Variants in IPO7 observed in about 807,000 individuals in gnomAD.
The protein encoded by IPO7 is importin 7.
A neutral mutation model predicts 136.4 loss-of-function variants in IPO7; 13 were observed. The observed-to-expected ratio is 0.10, with a 90% CI of 0.06 to 0.15. The LOEUF is 0.15. IPO7 is among the 10% of genes least tolerant of loss of function. IPO7 has a pLI of 1.00. For synonymous variants in IPO7, 403 were observed against 404.4 expected (o/e 1.00, Z 0.04); for missense variants, 857 against 1,240.6 (o/e 0.69, Z 4.65).
intron 12 of IPO7, 39 bp downstream of exon 12, chr11:9,425,301 G>A: frequency 2.5e-6 from 3 of 1,196,670 alleles, no homozygotes; most frequent in Non-Finnish European, 2.5e-6. Flanking sequence ...GACTATGCAA[G>A]TAGTTTTAAA....
At chr11:9,429,917 C>T (rs1590447999) in intron 15 of IPO7, 83 bp downstream of exon 15, 1 of 1,014,414 alleles carries the variant, frequency 9.9e-7, no homozygotes, top group East Asian at 2.6e-5. Flanking sequence ...AGTGGCTTGC[C>T]TTACCTTATA....
chr11:9,412,913 C>A, intron 4 of IPO7, among the ~76,000 whole-genome samples: 1 of 133,178 alleles, frequency 7.5e-6, no homozygotes, highest in Non-Finnish European at 1.6e-5. Flanking sequence ...TTTTTTGAGA[C>A]GGAGTCTCTC....
chr11:9,396,148 C>G (rs558780539), intron 1 of IPO7, among the ~76,000 whole-genome samples: 8 of 151,970 alleles, frequency 5.3e-5, no homozygotes, highest in Non-Finnish European at 1.2e-4. Flanking sequence ...ATAATCCCAG[C>G]ACTTTGGGAG....
At chr11:9,403,058 T>G in intron 1 of IPO7, 5 of 455,872 alleles carry the variant, frequency 1.1e-5, no homozygotes, top group Non-Finnish European at 1.5e-5. Flanking sequence ...TTGGGATAAA[T>G]GGGAAGTGCA....
chr11:9,425,285 G>A, intron 12 of IPO7, 23 bp downstream of exon 12: 1 of 1,302,276 alleles, frequency 7.7e-7, no homozygotes, highest in Non-Finnish European at 1.1e-6. Flanking sequence ...GTGTTTGTAT[G>A]TGCATGACTA....
At chr11:9,445,004 T>TG in intron 24 of IPO7, 93 bp from the exon 25 acceptor site, 1 of 784,982 alleles carries the variant, frequency 1.3e-6, no homozygotes, top group South Asian at 1.5e-5. Context: ...CCACTAATGA[T>TG]GGTTAAGCTA....
At position 9,414,619 on chromosome 11, in the gene IPO7, CTT is replaced by C. The variant is rs1164303193; in HGVS notation, c.636+234_636+235del. On this transcript the variant is annotated intron_variant, in intron 5 of 24. Coordinates refer to ENST00000379719, the MANE Select transcript of IPO7 (RefSeq NM_006391.3). ...AAATACATAAACAACCCTAATGAATCTTTTTTTTTTTTTTTTTTTTTTTTTTT... is the reference window on the plus strand; with the variant it reads ...AAATACATAAACAACCCTAATGAATCTTTTTTTTTTTTTTTTTTTTTTTTT... 3.1e-3 allele frequency: 222 copies of C among 71,300 alleles called. No homozygotes were observed. The South Asian group carries it at 0.031, about 10-fold the overall frequency. The allele number at this position is 71,300 out of a possible 1,614,324, so 4.4% of individuals were successfully genotyped here. A position where few individuals can be genotyped will look rare whatever the true frequency, so the allele number is the denominator to read the frequency against.
chr11:9,392,171 CTTTTTTTTTTTTTTT>C, intron 1 of IPO7: 1 of 183,702 alleles, frequency 5.4e-6, no homozygotes, highest in South Asian at 4.2e-5. Context: ...TTGTCAAATT[CTTTTTTTTTTTTTTT>C]TTTTTTTTGA....
intron 9 of IPO7, among the ~76,000 whole-genome samples, chr11:9,423,386 A>C (rs1044872013): frequency 1.3e-5 from 2 of 152,206 alleles, no homozygotes; most frequent in Admixed American, 1.3e-4. Context: ...TTAAGTTCTT[A>C]ATATTGGACT....
chr11:9,407,454 T>C (rs1197692641), intron 2 of IPO7, among the ~76,000 whole-genome samples: 2 of 152,056 alleles, frequency 1.3e-5, no homozygotes, highest in Non-Finnish European at 2.9e-5. Flanking sequence ...CTCGGGAGGC[T>C]GAGGCAAGGA....
intron 2 of IPO7, among the ~76,000 whole-genome samples, chr11:9,404,901 A>G (rs1854859218): frequency 6.6e-6 from 1 of 152,126 alleles, no homozygotes; most frequent in African/African-American, 2.4e-5. Context: ...ATAATTAGCC[A>G]TAATATGCCA....
intron 15 of IPO7, chr11:9,430,312 A>T (rs1014384614): frequency 1.9e-5 from 3 of 154,804 alleles, no homozygotes; most frequent in Non-Finnish European, 4.3e-5. Flanking sequence ...TGTCAGAATT[A>T]TTCCTGTTTT....
At position 9,438,247 on chromosome 11, in the gene IPO7, G is replaced by GTGA. The variant is rs745840960; in HGVS notation, c.2670_2672dup (p.Asp890dup). 4.4e-6 allele frequency: 7 copies of GTGA among 1,599,534 alleles called. No individual in the cohort carries two copies. The highest frequency in any genetic ancestry group is 2.7e-5 in the African/African-American group (2 of 74,492). On this transcript the variant is annotated inframe_insertion, in exon 22 of 25. Coordinates refer to ENST00000379719, the MANE Select transcript of IPO7 (RefSeq NM_006391.3). ...TGCCATGCAGAACATGAGAATGACA[G>GTGA]TGATGATGATGATGAAGCTGAAGAT...
chr11:9,394,113 G>A (rs1049137451), intron 1 of IPO7, among the ~76,000 whole-genome samples: 11 of 152,172 alleles, frequency 7.2e-5, no homozygotes, highest in South Asian at 4.2e-4. Flanking sequence ...TCTTGACTTC[G>A]TGATCCGCCC....
rs761096889 is a variant in IPO7 at position 9,428,647 on chromosome 11, A to G, written c.1425+18A>G. 30 of 1,292,428 alleles carry G rather than the reference A, an allele frequency of 2.3e-5. No homozygotes were observed. Among genetic ancestry groups the G allele is most frequent in the African/African-American group, 1.5e-5 (1 of 67,962 alleles). 80.1% of individuals were successfully genotyped at this position (1,292,428 alleles called of 1,614,324 possible). A position where few individuals can be genotyped will look rare whatever the true frequency, so the allele number is the denominator to read the frequency against. The stretch of plus-strand genomic sequence containing the variant: ...GAGCAAGGGTATGTTTTAAAGCTGC[A>G]TTATTTATATACTTTTGTCTTGTAA... On this transcript the variant is annotated intron_variant, in intron 13 of 24. Coordinates refer to ENST00000379719, the MANE Select transcript of IPO7 (RefSeq NM_006391.3).
intron 19 of IPO7, among the ~76,000 whole-genome samples, chr11:9,435,353 G>C (rs1855354726): frequency 6.6e-6 from 1 of 152,230 alleles, no homozygotes; most frequent in Non-Finnish European, 1.5e-5. Context: ...AATGGATAGA[G>C]ATGTTTTATA....
intron 16 of IPO7, among the ~76,000 whole-genome samples, chr11:9,432,938 G>A (rs897147381): frequency 6.7e-6 from 1 of 150,182 alleles, no homozygotes; most frequent in Non-Finnish European, 1.5e-5. Flanking sequence ...CAATTACATT[G>A]AGCTGAATTA....
rs377239276 is a variant in IPO7 at position 9,429,641 on chromosome 11, T to C, written c.1592-33T>C. 133 of 1,576,228 alleles carry C rather than the reference T, an allele frequency of 8.4e-5. No homozygotes were observed. The African/African-American group carries it at 1.6e-3, about 20-fold the overall frequency. On this transcript the variant is annotated intron_variant, in intron 14 of 24. Coordinates refer to ENST00000379719, the MANE Select transcript of IPO7 (RefSeq NM_006391.3). ...ATCAGGTTTTAAGAAGTTTTAGGGG[T>C]TTTACGCAAGTTTTTTACTCTTTCT...
intron 1 of IPO7, among the ~76,000 whole-genome samples, chr11:9,397,361 T>TATATATATATATATATATATATA (rs377148636): frequency 2.6e-4 from 11 of 42,280 alleles, no homozygotes; most frequent in African/African-American, 6.9e-4. Flanking sequence ...TATATATATA[T>TATATATATATATATATATATATA]ATATTAGTCG....
Sources: allele counts gnomAD v4.1 joint callset (sites outside exome capture counted in the v4.1 genomes callset), GRCh38; gene constraint gnomAD v4.1.1; transcripts MANE v1.5; gene names NCBI Gene and HGNC (gene_info 2026-07-23, HGNC 2026-07-21).